Variants in ROBO1 observed in about 807,000 individuals in gnomAD.
ROBO1 encodes the protein roundabout homolog 1.
Under a neutral mutation model 195.9 loss-of-function variants are expected in ROBO1, and 149 were observed. That is an observed-to-expected ratio of 0.76 (90% CI 0.67 to 0.87). The LOEUF is 0.87. ROBO1 is among the 40% of genes least tolerant of loss of function. The pLI is 0.00. For synonymous variants in ROBO1, 816 were observed against 733.2 expected, an observed-to-expected ratio of 1.11 and a Z score of -1.82; for missense variants, 1,933 against 2,068.3, an observed-to-expected ratio of 0.93 and a Z score of 1.27.
At chr3:79,551,980 T>TAAAAAAAAA (rs771824432) in intron 2 of ROBO1, among the ~76,000 whole-genome samples, 15 of 44,258 alleles carry the variant, frequency 3.4e-4, no homozygotes, top group Non-Finnish European at 4.5e-4. Flanking sequence ...TCTACAGAGT[T>TAAAAAAAAA]AAAAAAAAAA....
Position 79,738,325 on chromosome 3 carries a change from G to A in ROBO1, c.-51+29427C>T, listed in dbSNP as rs184592596. Among the ~76,000 whole-genome samples, 48 of 152,264 alleles carry A rather than the reference G, an allele frequency of 3.2e-4. No homozygotes were observed. The East Asian group carries it at 7.1e-3, about 23-fold the overall frequency. On this transcript the variant is annotated intron_variant, in intron 1 of 30. Coordinates refer to ENST00000464233, the MANE Select transcript of ROBO1 (RefSeq NM_002941.4). ...TTAACTAGTGTCTTAAAATCCAGAAGAGAAATGCCAAAATAAAATCTGAAT... is the reference window on the plus strand; with the variant it reads ...TTAACTAGTGTCTTAAAATCCAGAAAAGAAATGCCAAAATAAAATCTGAAT...
chr3:78,888,623 C>G (rs2036705431), intron 4 of ROBO1, among the ~76,000 whole-genome samples: 1 of 152,166 alleles, frequency 6.6e-6, no homozygotes, highest in Non-Finnish European at 1.5e-5. Flanking sequence ...GAAGTCCTTT[C>G]TCTACCTTAA....
chr3:78,666,070 C>T (rs986843809), intron 14 of ROBO1, among the ~76,000 whole-genome samples: 4 of 151,882 alleles, frequency 2.6e-5, no homozygotes, highest in African/African-American at 4.8e-5. Flanking sequence ...TCAGGAGACC[C>T]GATGGTTTTA....
At chr3:78,824,509 T>C (rs1450431725) in intron 4 of ROBO1, among the ~76,000 whole-genome samples, 1 of 152,214 alleles carries the variant, frequency 6.6e-6, no homozygotes, top group Non-Finnish European at 1.5e-5. Flanking sequence ...ATGGCAAATA[T>C]TGGCTCAAGA....
intron 2 of ROBO1, among the ~76,000 whole-genome samples, chr3:79,355,764 G>C (rs1414840124): frequency 6.6e-6 from 1 of 152,044 alleles, no homozygotes; most frequent in African/African-American, 2.4e-5. Flanking sequence ...ACTGAATAGT[G>C]TTCCATTATG....
chr3:79,622,712 G>A (rs1945046747), intron 1 of ROBO1, among the ~76,000 whole-genome samples: 1 of 152,194 alleles, frequency 6.6e-6, no homozygotes, highest in African/African-American at 2.4e-5. Flanking sequence ...AGTGGGAGAG[G>A]TGGCCGCAGA....
chr3:78,771,043 G>A (rs1288648874), intron 4 of ROBO1, among the ~76,000 whole-genome samples: 1 of 152,008 alleles, frequency 6.6e-6, no homozygotes, highest in Non-Finnish European at 1.5e-5. Context: ...GTCTGGCCTG[G>A]GTGACAGAAT....
intron 1 of ROBO1, among the ~76,000 whole-genome samples, chr3:79,737,202 G>A (rs1382346055): frequency 1.3e-5 from 2 of 152,130 alleles, no homozygotes; most frequent in Non-Finnish European, 2.9e-5. Context: ...TACTTTGAAA[G>A]CATATGTGAG....
chr3:78,839,141 G>A (rs1003994476), intron 4 of ROBO1, among the ~76,000 whole-genome samples: 4 of 152,084 alleles, frequency 2.6e-5, no homozygotes, highest in Admixed American at 6.6e-5. Flanking sequence ...ATACCAAAGA[G>A]TAAAAAGCTA....
intron 4 of ROBO1, among the ~76,000 whole-genome samples, chr3:78,867,009 A>G (rs1185010296): frequency 2.0e-5 from 3 of 152,190 alleles, no homozygotes; most frequent in Non-Finnish European, 4.4e-5. Context: ...AATTTCCACT[A>G]CGTTTGCCAT....
intron 2 of ROBO1, among the ~76,000 whole-genome samples, chr3:79,429,041 A>C (rs1014270049): frequency 2.0e-5 from 3 of 152,198 alleles, no homozygotes; most frequent in African/African-American, 7.2e-5. Flanking sequence ...TGGTGGTTAC[A>C]TCACTTTATG....
intron 2 of ROBO1, among the ~76,000 whole-genome samples, chr3:79,581,019 A>AACACAAACAATGAGAGAAAGC (rs1424733294): frequency 2.6e-5 from 4 of 152,230 alleles, no homozygotes; most frequent in African/African-American, 9.6e-5. Context: ...CAAGAGGAAG[A>AACACAAACAATGAGAGAAAGC]ACACAAACAA....
rs7643717 is a variant in ROBO1, at chr3:78,668,709, T to C, written c.1549-144A>G. ...CCAGAAACTTCCCCTTAGTTGAATA[T>C]ATTTTTATTGAATGTGAAGGAAAAT... On this transcript the variant is annotated intron_variant, in intron 11 of 30. Coordinates refer to ENST00000464233, the MANE Select transcript of ROBO1 (RefSeq NM_002941.4). 4.1e-3 allele frequency: 2,599 copies of C among 628,212 alleles called. 59 individuals are homozygous for C. The African/African-American group carries it at 0.042, about 10-fold the overall frequency. 38.9% of individuals were successfully genotyped at this position (628,212 alleles called of 1,614,324 possible). A position where few individuals can be genotyped will look rare whatever the true frequency, so the allele number is the denominator to read the frequency against.
intron 3 of ROBO1, among the ~76,000 whole-genome samples, chr3:79,054,472 T>A (rs1310790310): frequency 6.6e-6 from 1 of 152,102 alleles, no homozygotes; most frequent in Non-Finnish European, 1.5e-5. Flanking sequence ...TGACAAAATT[T>A]ACCTGATCAC....
At chr3:79,597,301 AG>A (rs1367338495) in intron 1 of ROBO1, among the ~76,000 whole-genome samples, 2 of 151,992 alleles carry the variant, frequency 1.3e-5, no homozygotes, top group African/African-American at 4.8e-5. Context: ...AAAAGCCAAA[AG>A]GGTATAATAC....
chr3:79,012,630 A>G (rs567606799), intron 3 of ROBO1, among the ~76,000 whole-genome samples: 1 of 152,356 alleles, frequency 6.6e-6, no homozygotes, highest in African/African-American at 2.4e-5. Context: ...TATGTGTGGA[A>G]TAACACTGTC....
chr3:78,968,641 A>G (rs994751702), intron 3 of ROBO1, among the ~76,000 whole-genome samples: 1 of 152,126 alleles, frequency 6.6e-6, no homozygotes, highest in Non-Finnish European at 1.5e-5. Context: ...AAGAAATTAA[A>G]GAATCAAATT....
chr3:79,597,847 A>AG lies in ROBO1; in HGVS notation c.-50-7887_-50-7886insC, dbSNP rs542210191. On this transcript the variant is annotated intron_variant, in intron 1 of 30. Transcript: ENST00000464233. ...AAAGACACATCTTGAAAATTGGGCA[A>AG]CAGAGTTTAGCAGGAGTTGCAGAAG... Among the ~76,000 whole-genome samples the AG allele has an allele frequency of 3.4e-3, 517 of 152,232 alleles. 6 individuals carry two copies. Among genetic ancestry groups the AG allele is most frequent in the African/African-American group, 0.012 (502 of 41,576 alleles).
At chr3:78,752,232 C>T (rs758578505) in intron 4 of ROBO1, among the ~76,000 whole-genome samples, 28 of 152,114 alleles carry the variant, frequency 1.8e-4, no homozygotes, top group Non-Finnish European at 3.4e-4. Context: ...TGAACACCAA[C>T]GTCATGCTGA....
Sources: gnomAD v4.1 joint callset for allele counts (sites outside exome capture counted in the v4.1 genomes callset) on GRCh38, gnomAD v4.1.1 for gene constraint, MANE v1.5 for transcripts, NCBI Gene and HGNC (gene_info 2026-07-23, HGNC 2026-07-21) for gene names.